Variants in OIT3 observed in about 807,000 individuals in gnomAD.
OIT3 encodes oncoprotein induced transcript 3.
OIT3 carries 41 observed loss-of-function variants against 52.2 expected under a neutral mutation model. That is an observed-to-expected ratio of 0.79 (90% CI 0.61 to 1.02). The LOEUF (loss-of-function observed/expected upper bound fraction) is 1.02. Ranked by LOEUF, OIT3 falls within the 50% of genes least tolerant of loss-of-function variation. The pLI is 0.00. For synonymous variants in OIT3, 244 were observed against 276.9 expected (o/e 0.88, Z 1.18); for missense variants, 634 against 715.5 (o/e 0.89, Z 1.30).
chr10:72,896,609 G>A (rs1016904522), intron 1 of OIT3, among the ~76,000 whole-genome samples: 1 of 152,202 alleles, frequency 6.6e-6, no homozygotes, highest in Non-Finnish European at 1.5e-5. Flanking sequence ...TTCTCTACAT[G>A]TGACTGAAGT....
At position 72,911,040 on chromosome 10, in the gene OIT3, G is replaced by A. The variant is rs193095904; in HGVS notation, c.668-677G>A. Among the ~76,000 whole-genome samples, 614 of 151,884 alleles carry A rather than the reference G, an allele frequency of 4.0e-3. 1 individual carries two copies. The highest frequency in any genetic ancestry group is 6.4e-3 in the Non-Finnish European group (437 of 67,920). On this transcript the variant is annotated intron_variant, in intron 4 of 8. Coordinates refer to ENST00000334011, the MANE Select transcript of OIT3 (RefSeq NM_152635.3). ...CCTTGTAGATTCTTTTGTTTTCAAT[G>A]GAATATTTTTCCTTTTTGTCCATTT...
chr10:72,921,591 G>T (rs764418742), intron 6 of OIT3, among the ~76,000 whole-genome samples: 1 of 151,994 alleles, frequency 6.6e-6, no homozygotes, highest in African/African-American at 2.4e-5. Context: ...TGTCTGAAAA[G>T]GATCTTATTT....
Position 72,893,750 on chromosome 10 carries a change from A to G in OIT3, c.-49A>G. ...TTGAAAGAGAAGGGGACAAAGGAAC[A>G]CCAGTATTAAGAGGATTTTCCAGTG... On this transcript the variant is annotated 5_prime_UTR_variant, in exon 1 of 9. Transcript: ENST00000334011. 6.6e-7 allele frequency: 1 copy of G among 1,511,396 alleles called. No individual in the cohort carries two copies. The highest frequency in any genetic ancestry group is 9.0e-7 in the Non-Finnish European group (1 of 1,106,826). 93.6% of individuals were successfully genotyped at this position (1,511,396 alleles called of 1,614,324 possible).
intron 4 of OIT3, among the ~76,000 whole-genome samples, chr10:72,909,608 T>A (rs1487920988): frequency 3.9e-5 from 6 of 152,124 alleles, no homozygotes; most frequent in African/African-American, 1.4e-4. Flanking sequence ...ATTATTAATT[T>A]TTTTTTTGAG....
chr10:72,907,268 C>G (rs1416808845), intron 4 of OIT3, among the ~76,000 whole-genome samples: 1 of 150,782 alleles, frequency 6.6e-6, no homozygotes, highest in Non-Finnish European at 1.5e-5. Flanking sequence ...GAGAAAATAT[C>G]TCAAAAAAAA....
At chr10:72,898,310 C>T (rs1057431885) in intron 1 of OIT3, among the ~76,000 whole-genome samples, 4 of 152,092 alleles carry the variant, frequency 2.6e-5, no homozygotes, top group Admixed American at 2.6e-4. Flanking sequence ...ATACAGTCTC[C>T]ATGTATGAAC....
chr10:72,911,751 C>A lies in OIT3; in HGVS notation c.702C>A (p.Cys234Ter). Residue 234 changes from cysteine to a stop codon, truncating the protein, a stop_gained, in exon 5 of 9, where the codon TGC (cysteine) becomes TGA (stop). Transcript: ENST00000334011. LOFTEE classifies it high-confidence loss of function. Reference protein sequence around the residue: ...VEGCHNNNGGCSHSCLGSEKG... With the variant: ...VEGCHNNNGG Reference sequence around the variant, plus strand: ...GATGCCACAATAACAATGGTGGCTGCAGCCACTCTTGCCTTGGATCTGAGA... The same window carrying A: ...GATGCCACAATAACAATGGTGGCTGAAGCCACTCTTGCCTTGGATCTGAGA... 1 of 1,613,798 alleles carries A rather than the reference C, an allele frequency of 6.2e-7. No homozygotes were observed. Among genetic ancestry groups the A allele is most frequent in the Non-Finnish European group, 8.5e-7 (1 of 1,179,804 alleles).
At chr10:72,913,739 G>C (rs2132938743) in intron 6 of OIT3, 1 of 565,028 alleles carries the variant, frequency 1.8e-6, no homozygotes, top group South Asian at 1.5e-5. Context: ...ATCAGTACCA[G>C]TGGTACTGGG....
intron 3 of OIT3, among the ~76,000 whole-genome samples, chr10:72,905,804 A>T (rs1307924843): frequency 6.6e-6 from 1 of 152,072 alleles, no homozygotes; most frequent in Non-Finnish European, 1.5e-5. Context: ...CATTGAGGGG[A>T]TACATCTTCT....
chr10:72,920,943 G>A (rs11523823), intron 6 of OIT3, among the ~76,000 whole-genome samples: 1 of 152,098 alleles, frequency 6.6e-6, no homozygotes, highest in Non-Finnish European at 1.5e-5. Flanking sequence ...ATCAAGTCCA[G>A]TTGATCCAGA....
At position 72,918,376 on chromosome 10, in the gene OIT3, T is replaced by TAAACAATG. The variant is rs2132942428; in HGVS notation, c.951+4908_951+4909insAAACAATG. ...GCTTCAACAATGTGCAATTCGTCCT[T>TAAACAATG]TGCACCAGCCCTTAAACTGACTGTT... is the stretch of plus-strand genomic sequence containing the variant. On this transcript the variant is annotated intron_variant, in intron 6 of 8. Coordinates refer to ENST00000334011, the MANE Select transcript of OIT3 (RefSeq NM_152635.3). The TAAACAATG allele has an allele frequency of 6.5e-6, 5 of 771,886 alleles. No individual in the cohort carries two copies. In the East Asian group the frequency reaches 1.2e-4, roughly 19 times the overall value. 47.8% of individuals were successfully genotyped at this position (771,886 alleles called of 1,614,324 possible).
In OIT3 at chr10:72,916,035, G is replaced by A. The variant is rs369037342; in HGVS notation, c.951+2567G>A. ...GTGAGGCATTGAAGGGCGGGTAAAT[G>A]AAGATGGGAATGATGGGTGAGGAAA... On this transcript the variant is annotated intron_variant, in intron 6 of 8. Transcript: ENST00000334011. Among the ~76,000 whole-genome samples, 8 of 152,196 alleles carry A rather than the reference G, an allele frequency of 5.3e-5. No homozygotes were observed. In the East Asian group the frequency reaches 5.8e-4, roughly 11 times the overall value.
chr10:72,924,128 T>G, intron 6 of OIT3, 101 bp from the exon 7 acceptor site: 1 of 1,007,190 alleles, frequency 9.9e-7, no homozygotes, highest in East Asian at 2.4e-5. Context: ...ATCTCTAATG[T>G]GTTTTGAGGT....
chr10:72,911,440 C>A (rs904040243), intron 4 of OIT3, among the ~76,000 whole-genome samples: 1 of 152,154 alleles, frequency 6.6e-6, no homozygotes, highest in Admixed American at 6.6e-5. Context: ...TAACCCCAGG[C>A]TAACCATGAG....
At position 72,906,951 on chromosome 10, in the gene OIT3, C is replaced by A. The variant is rs116826080; in HGVS notation, c.667+233C>A. On this transcript the variant is annotated intron_variant, in intron 4 of 8. Coordinates refer to ENST00000334011, the MANE Select transcript of OIT3 (RefSeq NM_152635.3). ...GAATTTTGCAAGAGGCAGAAAGCCA[C>A]ATTTTTATGTGAGAAATAAAAATAG... Among the ~76,000 whole-genome samples, 723 of 152,266 alleles carry A rather than the reference C, an allele frequency of 4.7e-3. 3 individuals carry two copies. The highest frequency in any genetic ancestry group is 0.017 in the African/African-American group (692 of 41,562).
intron 6 of OIT3, 189 bp downstream of exon 6, chr10:72,913,657 G>T (rs778806504): frequency 4.4e-6 from 3 of 687,796 alleles, no homozygotes; most frequent in Non-Finnish European, 8.0e-6. Context: ...TCCTGGCACT[G>T]TGAAGAATTC....
At chr10:72,918,504 G>A (rs1389384112) in intron 6 of OIT3, 11 of 1,400,642 alleles carry the variant, frequency 7.9e-6, no homozygotes, top group South Asian at 5.7e-5. Context: ...GGCCTCAGGA[G>A]GCTCATGTCC....
At chr10:72,918,084 A>G (rs1589527591) in intron 6 of OIT3, 1 of 1,249,592 alleles carries the variant, frequency 8.0e-7, no homozygotes, top group African/African-American at 1.5e-5. Context: ...TTTCTGTGGA[A>G]CCTTGCTACC....
At chr10:72,908,559 TATA>T (rs772394635) in intron 4 of OIT3, among the ~76,000 whole-genome samples, 18 of 152,182 alleles carry the variant, frequency 1.2e-4, no homozygotes, top group Non-Finnish European at 2.2e-4. Flanking sequence ...TACTGTTCCT[TATA>T]ATAAGTCTAA....
Sources: allele counts gnomAD v4.1 joint callset (sites outside exome capture counted in the v4.1 genomes callset), GRCh38; gene constraint gnomAD v4.1.1; transcripts MANE v1.5; gene names NCBI Gene and HGNC (gene_info 2026-07-23, HGNC 2026-07-21).